GRIP1: variants seen among roughly 807,000 people sequenced by gnomAD.
The protein encoded by GRIP1 is glutamate receptor interacting protein 1, also known as glutamate receptor-interacting protein 1.
A neutral mutation model predicts 129.9 loss-of-function variants in GRIP1; 45 were observed. The observed-to-expected ratio is 0.35, with a 90% CI of 0.27 to 0.44. The LOEUF is 0.44. GRIP1 is among the 20% of genes least tolerant of loss of function. The probability of loss-of-function intolerance (pLI) is 1.00; values close to 1 mark genes in which losing one functional copy is unlikely to be tolerated. For missense variants in GRIP1, 1,196 were observed against 1,396.8 expected (o/e 0.86, Z 2.29); for synonymous variants, 530 against 520.8 (o/e 1.02, Z -0.24).
At chr12:66,407,889 C>A (rs545013310) in intron 15 of GRIP1, among the ~76,000 whole-genome samples, 1 of 152,010 alleles carries the variant, frequency 6.6e-6, no homozygotes, top group African/African-American at 2.4e-5. Flanking sequence ...GCTTGCAACA[C>A]CCCTCCCCTA....
chr12:66,991,875 C>T (rs952156796), intron 1 of GRIP1, among the ~76,000 whole-genome samples: 1 of 152,176 alleles, frequency 6.6e-6, no homozygotes, highest in African/African-American at 2.4e-5. Flanking sequence ...GCCATCTCAA[C>T]TTGGATTCCA....
chr12:66,547,903 T>TG (rs1192624767), intron 2 of GRIP1, among the ~76,000 whole-genome samples: 6 of 152,290 alleles, frequency 3.9e-5, no homozygotes, highest in African/African-American at 1.4e-4. Context: ...ATATTTCTAT[T>TG]GGGGAAAACA....
At chr12:66,495,586 T>C (rs1373342474) in intron 7 of GRIP1, among the ~76,000 whole-genome samples, 2 of 152,110 alleles carry the variant, frequency 1.3e-5, no homozygotes, top group Non-Finnish European at 2.9e-5. Context: ...GTGGCATAGT[T>C]AATATTCCTG....
At chr12:66,855,245 A>G (rs1172706215) in intron 1 of GRIP1, among the ~76,000 whole-genome samples, 1 of 151,898 alleles carries the variant, frequency 6.6e-6, no homozygotes, top group African/African-American at 2.4e-5. Flanking sequence ...GGACATCACT[A>G]TTTTCTCAAA....
intron 2 of GRIP1, among the ~76,000 whole-genome samples, chr12:66,596,628 T>C (rs992999154): frequency 1.3e-5 from 2 of 152,230 alleles, no homozygotes; most frequent in Non-Finnish European, 2.9e-5. Context: ...TTTACAATGA[T>C]GGATTACAAG....
intron 1 of GRIP1, among the ~76,000 whole-genome samples, chr12:67,064,268 G>A (rs1467134618): frequency 1.3e-5 from 2 of 152,112 alleles, no homozygotes; most frequent in Non-Finnish European, 2.9e-5. Context: ...AAGATTTGAT[G>A]GCAGTTTATT....
chr12:66,817,154 A>C (rs991861862), intron 1 of GRIP1, among the ~76,000 whole-genome samples: 7 of 151,704 alleles, frequency 4.6e-5, no homozygotes. Flanking sequence ...TCTGACAGGC[A>C]GCAAACTTGT....
intron 9 of GRIP1, among the ~76,000 whole-genome samples, chr12:66,460,328 T>C (rs2059099245): frequency 6.6e-6 from 1 of 152,168 alleles, no homozygotes; most frequent in Non-Finnish European, 1.5e-5. Context: ...GCCACAGAAG[T>C]TACTTTTCTT....
intron 19 of GRIP1, among the ~76,000 whole-genome samples, chr12:66,390,379 C>T (rs1206653456): frequency 1.3e-5 from 2 of 152,152 alleles, no homozygotes; most frequent in Middle Eastern, 3.2e-3. Context: ...TGGAGTACTT[C>T]GATTCTATCC....
intron 19 of GRIP1, among the ~76,000 whole-genome samples, chr12:66,385,407 G>A (rs1437416114): frequency 1.3e-5 from 2 of 151,786 alleles, no homozygotes; most frequent in African/African-American, 4.8e-5. Flanking sequence ...GTGGTGGTGG[G>A]CACCTGTAGT....
intron 1 of GRIP1, among the ~76,000 whole-genome samples, chr12:66,871,268 A>T (rs1196437563): frequency 2.0e-5 from 3 of 152,140 alleles, no homozygotes; most frequent in Admixed American, 2.0e-4. Flanking sequence ...ACCTGATGAA[A>T]ATACGTGATA....
chr12:66,936,800 T>A (rs553785417), intron 1 of GRIP1, among the ~76,000 whole-genome samples: 1 of 152,282 alleles, frequency 6.6e-6, no homozygotes, highest in South Asian at 2.1e-4. Flanking sequence ...GCCACCAGGG[T>A]AACCACAAAA....
At chr12:66,622,804 G>C (rs1317408571) in intron 1 of GRIP1, among the ~76,000 whole-genome samples, 1 of 151,856 alleles carries the variant, frequency 6.6e-6, no homozygotes, top group Non-Finnish European at 1.5e-5. Context: ...CATCCTTCTA[G>C]TCTCAACCCA....
chr12:66,745,368 C>T (rs888839291), intron 1 of GRIP1, among the ~76,000 whole-genome samples: 3 of 151,978 alleles, frequency 2.0e-5, no homozygotes, highest in Admixed American at 6.6e-5. Context: ...AAATTAGAAC[C>T]CACATAGAGT....
At chr12:66,631,463 G>T (rs572583353) in intron 1 of GRIP1, among the ~76,000 whole-genome samples, 29 of 152,278 alleles carry the variant, frequency 1.9e-4, no homozygotes, top group African/African-American at 7.0e-4. Context: ...AATAGAACAT[G>T]AAAACCTACT....
chr12:66,623,665 T>A (rs1044160237), intron 1 of GRIP1, among the ~76,000 whole-genome samples: 3 of 152,194 alleles, frequency 2.0e-5, no homozygotes, highest in African/African-American at 7.2e-5. Context: ...CTGTTTCTTC[T>A]CAGAACCTGA....
intron 23 of GRIP1, among the ~76,000 whole-genome samples, chr12:66,369,495 ATCT>A (rs2055359570): frequency 6.6e-6 from 1 of 152,088 alleles, no homozygotes; most frequent in Non-Finnish European, 1.5e-5. Context: ...GCTATCAATA[ATCT>A]TCTTCCTTGG....
At chr12:66,619,996 C>T (rs2065199660) in intron 1 of GRIP1, among the ~76,000 whole-genome samples, 1 of 152,182 alleles carries the variant, frequency 6.6e-6, no homozygotes, top group Non-Finnish European at 1.5e-5. Flanking sequence ...TTCAGTGAGA[C>T]TTTACATCCA....
intron 7 of GRIP1, among the ~76,000 whole-genome samples, chr12:66,467,127 G>C (rs2059308295): frequency 6.6e-6 from 1 of 152,190 alleles, no homozygotes; most frequent in Non-Finnish European, 1.5e-5. Context: ...AAAAGGTTAA[G>C]AGACCATCAG....
Sources: gnomAD v4.1 joint callset for allele counts (sites outside exome capture counted in the v4.1 genomes callset) on GRCh38, gnomAD v4.1.1 for gene constraint, MANE v1.5 for transcripts, NCBI Gene and HGNC (gene_info 2026-07-23, HGNC 2026-07-21) for gene names.